The following ITM2C variants were observed in gnomAD, a reference collection of about 807,000 sequenced individuals.
The protein encoded by ITM2C is BRICHOS domain containing 2C.
In ITM2C, 20 loss-of-function variants were observed where a neutral mutation model predicts 30.0. The observed-to-expected ratio is 0.67, with a 90% CI of 0.47 to 0.97. The LOEUF (loss-of-function observed/expected upper bound fraction) is 0.97, where lower values mean the gene tolerates loss of function less well. ITM2C is among the 50% of genes least tolerant of loss of function. The probability of loss-of-function intolerance (pLI) is 0.00; values close to 1 mark genes in which losing one functional copy is unlikely to be tolerated. For synonymous variants in ITM2C, 167 were observed against 156.4 expected (o/e 1.07, Z -0.51); for missense variants, 366 against 371.9 (o/e 0.98, Z 0.13).
chr2:230,876,982 G>A lies in ITM2C; in HGVS notation c.561+15G>A. 1.3e-6 allele frequency: 2 copies of A among 1,544,328 alleles called. No homozygotes were observed. The highest frequency in any genetic ancestry group is 1.8e-6 in the Non-Finnish European group (2 of 1,117,088). ...TGAACGTGAAGGTGCGCAGGGGGTTGGGGGGATGTCTGCAGCATCCTGTCC... is the reference window on the plus strand; with the variant it reads ...TGAACGTGAAGGTGCGCAGGGGGTTAGGGGGATGTCTGCAGCATCCTGTCC... On this transcript the variant is annotated intron_variant, in intron 4 of 5. Coordinates refer to ENST00000326427, the MANE Select transcript of ITM2C (RefSeq NM_030926.6).
chr2:230,873,796 G>A (rs536408603), intron 2 of ITM2C, among the ~76,000 whole-genome samples: 1 of 152,344 alleles, frequency 6.6e-6, no homozygotes, highest in East Asian at 1.9e-4. Context: ...CCGGGTGACA[G>A]CACTGGGCCC....
chr2:230,872,186 C>A (rs1697182729), intron 1 of ITM2C, among the ~76,000 whole-genome samples: 1 of 152,198 alleles, frequency 6.6e-6, no homozygotes, highest in African/African-American at 2.4e-5. Context: ...GGCTGGATCC[C>A]CTCCTCTCCC....
At chr2:230,873,586 G>T (rs1414790862) in intron 2 of ITM2C, 29 bp downstream of exon 2, 11 of 1,582,560 alleles carry the variant, frequency 7.0e-6, no homozygotes, top group Non-Finnish European at 9.4e-6. Flanking sequence ...TAGGGGCAAG[G>T]CCTCGAGAAA....
At chr2:230,876,550 C>T (rs1433520313) in intron 3 of ITM2C, among the ~76,000 whole-genome samples, 3 of 152,064 alleles carry the variant, frequency 2.0e-5, no homozygotes, top group East Asian at 1.9e-4. Flanking sequence ...GGCACGATCT[C>T]GGCTCACTGC....
intron 1 of ITM2C, 110 bp from the exon 2 acceptor site, chr2:230,873,307 C>A: frequency 9.0e-7 from 1 of 1,113,948 alleles, no homozygotes; most frequent in Non-Finnish European, 1.2e-6. Context: ...CCCTCCCTTT[C>A]CCCCAAGACT....
intron 1 of ITM2C, 153 bp from the exon 2 acceptor site, chr2:230,873,264 G>A (rs1559156814): frequency 4.7e-6 from 3 of 632,154 alleles, no homozygotes; most frequent in Non-Finnish European, 4.9e-6. Flanking sequence ...GACCCTGGTG[G>A]GCCTTCCTTT....
rs1472955111 is a variant in ITM2C, at chr2:230,877,371, C to T, written c.562-29C>T. 1 of 1,610,324 alleles carries T rather than the reference C, an allele frequency of 6.2e-7. No homozygotes were observed. Among genetic ancestry groups the T allele is most frequent in the East Asian group, 2.2e-5 (1 of 44,816 alleles). ...GTTGGACGAAAGCCTGAGGGGCCGA[C>T]TCACTGTGGCGGCCACCTTGTTTTG... is the stretch of plus-strand genomic sequence containing the variant. On this transcript the variant is annotated intron_variant, in intron 4 of 5. Transcript: ENST00000326427. This position sits in a 1 kb window ranked among gnomAD's most constrained non-coding sequence, Gnocchi z 4.8.
At chr2:230,872,800 C>T (rs1410903487) in intron 1 of ITM2C, among the ~76,000 whole-genome samples, 1 of 152,150 alleles carries the variant, frequency 6.6e-6, no homozygotes, top group Non-Finnish European at 1.5e-5. Flanking sequence ...GGAGCCCCTG[C>T]CCCCATCAGT....
chr2:230,875,321 G>A (rs1445864461), intron 2 of ITM2C, among the ~76,000 whole-genome samples: 1 of 152,120 alleles, frequency 6.6e-6, no homozygotes, highest in African/African-American at 2.4e-5. Flanking sequence ...GGAAACTGAG[G>A]CCCAGAGAGG....
At chr2:230,869,734 G>A (rs887164956) in intron 1 of ITM2C, among the ~76,000 whole-genome samples, 1 of 152,200 alleles carries the variant, frequency 6.6e-6, no homozygotes, top group African/African-American at 2.4e-5. Flanking sequence ...CCGAGTTAAT[G>A]CTACAGTTGG....
intron 2 of ITM2C, among the ~76,000 whole-genome samples, chr2:230,874,574 G>A (rs1201059195): frequency 3.9e-5 from 6 of 152,194 alleles, no homozygotes; most frequent in Admixed American, 6.5e-5. Flanking sequence ...CTGGGTCTGT[G>A]CCCTGGGACA....
upstream of ITM2C, among the ~76,000 whole-genome samples, chr2:230,864,351 G>C (rs1559153001): frequency 6.6e-6 from 1 of 152,294 alleles, no homozygotes; most frequent in East Asian, 1.9e-4. This position sits in a 1 kb window ranked among gnomAD's most constrained non-coding sequence, Gnocchi z 4.3. Flanking sequence ...AGGTTTTGCA[G>C]GAATAAAGAA....
At chr2:230,875,508 G>C (rs1697269014) in intron 2 of ITM2C, 112 bp from the exon 3 acceptor site, 1 of 907,464 alleles carries the variant, frequency 1.1e-6, no homozygotes, top group Middle Eastern at 3.6e-4. Flanking sequence ...TGCTCTTCTT[G>C]CTTCCGCAGG....
intron 1 of ITM2C, among the ~76,000 whole-genome samples, chr2:230,867,984 G>T (rs190884494): frequency 6.6e-6 from 1 of 151,560 alleles, no homozygotes; most frequent in Non-Finnish European, 1.5e-5. Context: ...AAAGTGATCC[G>T]CAGGAGGAGC....
At chr2:230,876,310 G>A (rs746025432) in intron 3 of ITM2C, among the ~76,000 whole-genome samples, 26 of 152,186 alleles carry the variant, frequency 1.7e-4, no homozygotes, top group Non-Finnish European at 2.5e-4. Flanking sequence ...CAACAGAGGC[G>A]TTTAGCAATC....
chr2:230,871,133 G>A (rs1251765396), intron 1 of ITM2C, among the ~76,000 whole-genome samples: 2 of 152,356 alleles, frequency 1.3e-5, no homozygotes, highest in African/African-American at 4.8e-5. Context: ...TCCACATTTT[G>A]CATGGGAGAC....
At chr2:230,876,827 A>C in intron 3 of ITM2C, 30 bp from the exon 4 acceptor site, 1 of 1,495,640 alleles carries the variant, frequency 6.7e-7, no homozygotes, top group Non-Finnish European at 9.3e-7. Flanking sequence ...CACCTCCTGC[A>C]GAGACTGACC....
Position 230,873,445 on chromosome 2 carries a change from AG to A in ITM2C, c.150del (p.Arg51GlyfsTer68), listed in dbSNP as rs1697215478. 1 of 1,604,974 alleles carries A rather than the reference AG, an allele frequency of 6.2e-7. No individual in the cohort carries two copies. The highest frequency in any genetic ancestry group is 1.7e-5 in the Admixed American group (1 of 58,932). ...GAGCAGCCCCCACAACATCGATCCAAGAGGGGGGGCTCAGTGGGCGGCGTGT... is the reference window on the plus strand; with the variant it reads ...GAGCAGCCCCCACAACATCGATCCAAAGGGGGGGCTCAGTGGGCGGCGTGT... ...REEQPPQHRS[K>X]RGGSVGGVCY... On this transcript the variant is annotated frameshift_variant, in exon 2 of 6. Transcript: ENST00000326427. LOFTEE classifies it high-confidence loss of function.
intron 1 of ITM2C, among the ~76,000 whole-genome samples, chr2:230,869,871 T>C (rs1020685566): frequency 2.6e-5 from 4 of 152,220 alleles, no homozygotes; most frequent in African/African-American, 9.6e-5. Flanking sequence ...TTCCGGCTCA[T>C]GCGCCCTTCG....
Sources: allele counts gnomAD v4.1 joint callset (sites outside exome capture counted in the v4.1 genomes callset), GRCh38; gene constraint gnomAD v4.1.1; non-coding constraint Gnocchi (gnomAD v3.1); transcripts MANE v1.5; gene names NCBI Gene and HGNC (gene_info 2026-07-23, HGNC 2026-07-21).